HOATZ: variants seen among roughly 807,000 people sequenced by gnomAD.
HOATZ encodes the protein HOATZ cilia and flagella associated protein, also known as cilia- and flagella-associated protein HOATZ.
A neutral mutation model predicts 24.9 loss-of-function variants in HOATZ; 26 were observed. The observed-to-expected ratio is 1.04, with a 90% CI of 0.76 to 1.45. HOATZ has a LOEUF of 1.45. HOATZ is among the 40% of genes most tolerant of loss of function. HOATZ has a pLI of 0.00. For synonymous variants in HOATZ, 83 were observed against 76.6 expected, an observed-to-expected ratio of 1.08 and a Z score of -0.43; for missense variants, 226 against 201.5, an observed-to-expected ratio of 1.12 and a Z score of -0.74.
chr11:111,516,303 A>G (rs1027972770), intron 3 of HOATZ, among the ~76,000 whole-genome samples, 193 bp downstream of exon 3: 2 of 152,218 alleles, frequency 1.3e-5, no homozygotes, highest in Non-Finnish European at 2.9e-5. Context: ...AATCTCAGCA[A>G]AAGTCCAAGA....
At chr11:111,526,123 C>T (rs116270598) in intron 3 of HOATZ, among the ~76,000 whole-genome samples, 3,359 of 151,218 alleles carry the variant, frequency 0.022, 127 homozygotes, top group African/African-American at 0.077. Flanking sequence ...TTCCAGGCAG[C>T]GAAAACAGCA....
intron 3 of HOATZ, 55 bp from the exon 4 acceptor site, chr11:111,533,691 G>A (rs961237284): frequency 5.1e-5 from 61 of 1,202,736 alleles, no homozygotes; most frequent in Admixed American, 7.9e-5. Context: ...ACCTTTCGTA[G>A]GCGTAAGTCT....
intron 3 of HOATZ, 66 bp downstream of exon 3, chr11:111,516,176 A>T (rs1867196705): frequency 4.0e-6 from 4 of 1,001,234 alleles, no homozygotes; most frequent in Non-Finnish European, 6.1e-6. Flanking sequence ...GATTTTTTAA[A>T]CACATGTATA....
At chr11:111,535,852 T>C (rs1198702302) in intron 5 of HOATZ, 1 of 152,050 alleles carries the variant, frequency 6.6e-6, no homozygotes, top group Non-Finnish European at 1.5e-5. Flanking sequence ...AGATACAGGG[T>C]TTCACCGTCT....
At chr11:111,517,591 G>A (rs1867219996) in intron 3 of HOATZ, among the ~76,000 whole-genome samples, 1 of 152,128 alleles carries the variant, frequency 6.6e-6, no homozygotes, top group Non-Finnish European at 1.5e-5. Flanking sequence ...GGGATCCAAA[G>A]ATAAGATGTG....
rs375225058 is a variant in HOATZ, at chr11:111,534,478, T to C, written c.452+14T>C. On this transcript the variant is annotated intron_variant, in intron 5 of 5. Transcript: ENST00000375618. ...ACACAAAGCAAAGTAAGTTTACCTA[T>C]GTCAAAAATATTCTCTCACCTTTCA... 3.8e-6 allele frequency: 6 copies of C among 1,591,028 alleles called. No individual in the cohort carries two copies. The South Asian group carries it at 6.6e-5, about 18-fold the overall frequency.
intron 3 of HOATZ, among the ~76,000 whole-genome samples, chr11:111,517,901 C>T (rs1280980114): frequency 6.6e-6 from 1 of 152,062 alleles, no homozygotes; most frequent in Non-Finnish European, 1.5e-5. Flanking sequence ...CCATGGCTGC[C>T]CATTTCCTTT....
Position 111,515,529 on chromosome 11 carries a change from A to G in HOATZ, c.245A>G (p.Gln82Arg). ...TTTTTAGAAAACAGCCACTCCTCGC[A>G]GTCTTTTCACCTTGCGAGTAACAGT... ...SRGSENSHSS[Q>R]SFHLASNKNR... Residue 82 changes from glutamine to arginine, a missense_variant, in exon 2 of 6, where the codon CAG becomes CGG. By Grantham distance (43) the Gln-to-Arg change is conservative. Coordinates refer to ENST00000375618, the MANE Select transcript of HOATZ (RefSeq NM_001100388.2). 8.1e-6 allele frequency: 13 copies of G among 1,613,686 alleles called. No individual in the cohort carries two copies. Among genetic ancestry groups the G allele is most frequent in the Middle Eastern group, 1.7e-4 (1 of 6,060 alleles).
At chr11:111,523,229 G>A (rs1244861519) in intron 3 of HOATZ, among the ~76,000 whole-genome samples, 1 of 27,230 alleles carries the variant, frequency 3.7e-5, no homozygotes, top group East Asian at 9.0e-4. Context: ...TTTTTTTTTT[G>A]GTGACTTTGC....
At chr11:111,519,266 A>G (rs376804753) in intron 3 of HOATZ, 1 of 193,962 alleles carries the variant, frequency 5.2e-6, no homozygotes, top group Non-Finnish European at 1.1e-5. Flanking sequence ...TATTTGCTTA[A>G]CCTAGTGCCT....
At chr11:111,527,709 A>G (rs1312763150) in intron 3 of HOATZ, among the ~76,000 whole-genome samples, 5 of 152,242 alleles carry the variant, frequency 3.3e-5, no homozygotes, top group Admixed American at 2.6e-4. Context: ...TGTAGAATCA[A>G]CATAGCAGAT....
intron 3 of HOATZ, among the ~76,000 whole-genome samples, chr11:111,521,975 C>T (rs562339040): frequency 3.9e-4 from 59 of 152,154 alleles, no homozygotes; most frequent in African/African-American, 7.0e-4. Context: ...ACACTGCCTA[C>T]GGGGTAGCCC....
chr11:111,516,769 G>A (rs879279136), intron 3 of HOATZ, among the ~76,000 whole-genome samples: 5 of 152,054 alleles, frequency 3.3e-5, no homozygotes, highest in Non-Finnish European at 7.4e-5. Flanking sequence ...TGTCTTAATA[G>A]GTCAAAATTA....
intron 3 of HOATZ, among the ~76,000 whole-genome samples, chr11:111,520,874 A>G (rs1355112529): frequency 1.3e-5 from 2 of 152,178 alleles, no homozygotes; most frequent in African/African-American, 4.8e-5. Flanking sequence ...TTATTACAGT[A>G]TATTGTTATG....
At chr11:111,523,113 A>C (rs954288842) in intron 3 of HOATZ, among the ~76,000 whole-genome samples, 1 of 152,060 alleles carries the variant, frequency 6.6e-6, no homozygotes, top group East Asian at 1.9e-4. Flanking sequence ...ACACGTTCAC[A>C]GCTGAGATTG....
intron 3 of HOATZ, among the ~76,000 whole-genome samples, chr11:111,521,921 G>A (rs1481157011): frequency 6.6e-6 from 1 of 152,064 alleles, no homozygotes; most frequent in Non-Finnish European, 1.5e-5. Context: ...ATTGGGAGAG[G>A]AATGAGATTT....
chr11:111,533,567 G>A (rs1476695358), intron 3 of HOATZ, among the ~76,000 whole-genome samples, 179 bp from the exon 4 acceptor site: 1 of 151,958 alleles, frequency 6.6e-6, no homozygotes, highest in Non-Finnish European at 1.5e-5. Flanking sequence ...ATTTTGTAAA[G>A]CAGCATTATC....
chr11:111,522,860 C>A (rs932681445), intron 3 of HOATZ, among the ~76,000 whole-genome samples: 13 of 152,056 alleles, frequency 8.5e-5, no homozygotes, highest in African/African-American at 3.1e-4. Flanking sequence ...CCAAGGCGGG[C>A]AGATCACCTA....
chr11:111,527,565 A>C (rs1867352743), intron 3 of HOATZ, among the ~76,000 whole-genome samples: 1 of 152,226 alleles, frequency 6.6e-6, no homozygotes, highest in African/African-American at 2.4e-5. Flanking sequence ...TCTATCTTTT[A>C]AAATCAGATT....
Sources: allele counts gnomAD v4.1 joint callset (sites outside exome capture counted in the v4.1 genomes callset), GRCh38; gene constraint gnomAD v4.1.1; transcripts MANE v1.5; gene names NCBI Gene and HGNC (gene_info 2026-07-23, HGNC 2026-07-21).